SLC6A16: variants seen among roughly 807,000 people sequenced by gnomAD.
SLC6A16 encodes orphan sodium- and chloride-dependent neurotransmitter transporter NTT5.
In SLC6A16, 54 loss-of-function variants were observed where a neutral mutation model predicts 65.4. That is an observed-to-expected ratio of 0.83 (90% CI 0.66 to 1.04). The LOEUF (loss-of-function observed/expected upper bound fraction) is 1.04, where lower values mean the gene tolerates loss of function less well. Ranked by LOEUF, SLC6A16 falls within the 50% of genes least tolerant of loss-of-function variation. SLC6A16 has a pLI of 0.00. For missense variants in SLC6A16, 816 were observed against 914.0 expected (o/e 0.89, Z 1.38); for synonymous variants, 330 against 346.5 (o/e 0.95, Z 0.53).
At chr19:49,324,758 T>C (rs1970771149) in intron 1 of SLC6A16, among the ~76,000 whole-genome samples, 1 of 152,252 alleles carries the variant, frequency 6.6e-6, no homozygotes. Context: ...CACTGATGGC[T>C]TTCCCCAAAG....
Position 49,311,413 on chromosome 19 carries a change from T to A in SLC6A16, c.-64-2A>T. The A allele has an allele frequency of 6.7e-7, 1 of 1,488,168 alleles. No homozygotes were observed. Among genetic ancestry groups the A allele is most frequent in the Non-Finnish European group, 9.0e-7 (1 of 1,114,208 alleles). The allele number at this position is 1,488,168 out of a possible 1,614,324, so 92.2% of individuals were successfully genotyped here. On this transcript the variant is annotated splice_acceptor_variant, in intron 1 of 11. Transcript: ENST00000335875. LOFTEE classifies it low-confidence loss of function (5UTR_SPLICE). ...GAGGGTTCATCTTCCTGAGGAGACC[T>A]GAAGGACACCAAAATCTGTAGATTT...
At chr19:49,321,737 A>AAAACAAAC (rs559089243) in intron 1 of SLC6A16, among the ~76,000 whole-genome samples, 29 of 151,530 alleles carry the variant, frequency 1.9e-4, no homozygotes, top group African/African-American at 7.0e-4. Flanking sequence ...CTCCATCTCA[A>AAAACAAAC]AAACAAACAA....
the SLC6A16 span, among the ~76,000 whole-genome samples, chr19:49,331,120 C>A: frequency 6.6e-6 from 1 of 152,180 alleles, no homozygotes; most frequent in Non-Finnish European, 1.5e-5. Flanking sequence ...CAGCACGCCA[C>A]TTCCTTCAAA....
chr19:49,306,304 A>T (rs1449180817), intron 7 of SLC6A16, among the ~76,000 whole-genome samples: 1 of 152,030 alleles, frequency 6.6e-6, no homozygotes, highest in Non-Finnish European at 1.5e-5. Flanking sequence ...TCTCAAAAAA[A>T]AAAAGAAAAA....
rs1349524138 is a variant in SLC6A16 at position 49,294,002 on chromosome 19, G to A, written c.1443C>T (p.Phe481=). 1 of 1,612,764 alleles carries A rather than the reference G, an allele frequency of 6.2e-7. No homozygotes were observed. Residue 481 remains phenylalanine (F), a synonymous_variant, in exon 9 of 12, where the codon TTC becomes TTT. Transcript: ENST00000335875. The part of the protein sequence containing the change: ...LKASEGPKFA[F]LSFVEAMSFL... Reference sequence around the variant, plus strand: ...AGGACATGGCTTCAACAAAGGACAGGAATGCAAACTTTGGGCCCTCGCTAG... The same window carrying A: ...AGGACATGGCTTCAACAAAGGACAGAAATGCAAACTTTGGGCCCTCGCTAG...
rs1970098265 is a variant in SLC6A16, at chr19:49,292,552, A to G, written c.1778+671T>C. Among the ~76,000 whole-genome samples, 1 of 152,186 alleles carries G rather than the reference A, an allele frequency of 6.6e-6. No individual in the cohort carries two copies. The highest frequency in any genetic ancestry group is 2.1e-4 in the South Asian group (1 of 4,830). On this transcript the variant is annotated intron_variant, in intron 10 of 11. Coordinates refer to ENST00000335875, the MANE Select transcript of SLC6A16 (RefSeq NM_014037.3). The surrounding 1 kb of genome is among the most constrained non-coding windows in gnomAD (Gnocchi z 4.3). ...AAAACCCTCCAATGCTTCATCTGCC[A>G]TTCTGCATACAAAGCTGAGTCCTAT...
chr19:49,308,751 G>A, intron 7 of SLC6A16, 125 bp downstream of exon 7: 1 of 1,114,698 alleles, frequency 9.0e-7, no homozygotes, highest in Non-Finnish European at 1.3e-6. Context: ...GGAAGGTAGA[G>A]GGCTTGCAAG....
chr19:49,290,160 T>G lies in SLC6A16; in HGVS notation c.2174A>C (p.Glu725Ala). 1 of 1,614,150 alleles carries G rather than the reference T, an allele frequency of 6.2e-7. No individual in the cohort carries two copies. Residue 725 changes from glutamate to alanine, a missense_variant, in exon 12 of 12, where the codon GAA becomes GCA. Coordinates refer to ENST00000335875, the MANE Select transcript of SLC6A16 (RefSeq NM_014037.3). Reference sequence around the variant, plus strand: ...ATTACAAGTTGATGGGTACTTTGTTTCATCAACTTGTAGAATTTCTTCCTT... The same window carrying G: ...ATTACAAGTTGATGGGTACTTTGTTGCATCAACTTGTAGAATTTCTTCCTT... ...VQKEEILQVD[E>A]TKYPSTCNVT...
chr19:49,330,990 T>C, the SLC6A16 span, among the ~76,000 whole-genome samples: 2 of 151,134 alleles, frequency 1.3e-5, no homozygotes, highest in African/African-American at 4.9e-5. Flanking sequence ...GAGTTTCTGA[T>C]TGAGCAGGTA....
Position 49,309,703 on chromosome 19 carries a change from C to A in SLC6A16, c.824G>T (p.Cys275Phe), listed in dbSNP as rs372373962. Residue 275 changes from cysteine to phenylalanine, a missense_variant, in exon 5 of 12, where the codon TGC becomes TTC. By Grantham distance (205) the Cys-to-Phe change is radical. Coordinates refer to ENST00000335875, the MANE Select transcript of SLC6A16 (RefSeq NM_014037.3). ...CATGAAAGCACCAACAAGACACCAG[C>A]AAAGAAAGAAGGGCAGGACCAGACT... ...VYSLVLPFFL[C>F]WCLVGAFMIN... The A allele has an allele frequency of 6.2e-7, 1 of 1,613,996 alleles. No homozygotes were observed. Among genetic ancestry groups the A allele is most frequent in the Non-Finnish European group, 8.5e-7 (1 of 1,179,998 alleles).
the SLC6A16 span, among the ~76,000 whole-genome samples, chr19:49,334,010 T>C: frequency 1.3e-5 from 2 of 152,232 alleles, no homozygotes; most frequent in South Asian, 2.1e-4. Context: ...CAGCTTCCGC[T>C]GGGGGTGTTG....
chr19:49,307,705 G>C (rs1216931310), intron 7 of SLC6A16, among the ~76,000 whole-genome samples: 4 of 77,014 alleles, frequency 5.2e-5, no homozygotes, highest in Non-Finnish European at 9.6e-5. Context: ...CTGGGAGAGA[G>C]AGGAAGAGGA....
chr19:49,316,871 A>ATT (rs1319499117), intron 1 of SLC6A16, among the ~76,000 whole-genome samples: 3 of 151,642 alleles, frequency 2.0e-5, no homozygotes, highest in Admixed American at 6.6e-5. Context: ...AAAAAAAAAA[A>ATT]AAAATTAAAA....
the SLC6A16 span, among the ~76,000 whole-genome samples, chr19:49,331,441 C>A: frequency 7.2e-5 from 11 of 152,124 alleles, no homozygotes; most frequent in Non-Finnish European, 5.9e-5. Flanking sequence ...CTCAGCCTCC[C>A]AAAGTGCTGG....
chr19:49,329,726 A>G (rs955557992), upstream of SLC6A16, among the ~76,000 whole-genome samples: 1 of 138,986 alleles, frequency 7.2e-6, no homozygotes, highest in East Asian at 2.2e-4. Flanking sequence ...TCTGCCTCCC[A>G]GGTTCACACC....
chr19:49,308,788 A>G (rs975836367), intron 7 of SLC6A16, 88 bp downstream of exon 7: 1 of 1,530,426 alleles, frequency 6.5e-7, no homozygotes, highest in African/African-American at 1.4e-5. Flanking sequence ...ATGTGTGAAC[A>G]TGGGTCTTTG....
chr19:49,304,966 C>T (rs1313734129), intron 7 of SLC6A16, among the ~76,000 whole-genome samples: 2 of 152,298 alleles, frequency 1.3e-5, no homozygotes, highest in East Asian at 3.9e-4. Context: ...AGTAATTTGG[C>T]ATCATCTGTG....
At chr19:49,338,688 T>C in the SLC6A16 span, 1 of 1,597,196 alleles carries the variant, frequency 6.3e-7, no homozygotes, top group Non-Finnish European at 8.6e-7. The surrounding 1 kb of genome is among the most constrained non-coding windows in gnomAD (Gnocchi z 5.0). Flanking sequence ...CTGACTCGTA[T>C]CCCTCTCCCA....
At chr19:49,314,412 G>A (rs915535237) in intron 1 of SLC6A16, among the ~76,000 whole-genome samples, 14 of 152,158 alleles carry the variant, frequency 9.2e-5, no homozygotes, top group African/African-American at 3.1e-4. Context: ...TAATCAAGTT[G>A]TACACATGAA....
Sources: allele counts gnomAD v4.1 joint callset (sites outside exome capture counted in the v4.1 genomes callset), GRCh38; gene constraint gnomAD v4.1.1; non-coding constraint Gnocchi (gnomAD v3.1); transcripts MANE v1.5; gene names NCBI Gene and HGNC (gene_info 2026-07-23, HGNC 2026-07-21).